CERS6: variants seen among roughly 807,000 people sequenced by gnomAD.
CERS6 encodes LAG1 homolog, ceramide synthase 6.
In CERS6, 26 loss-of-function variants were observed where a neutral mutation model predicts 56.8. The observed-to-expected ratio is 0.46, with a 90% CI of 0.34 to 0.63. The LOEUF (loss-of-function observed/expected upper bound fraction) is 0.63. Among genes scored for constraint, CERS6 ranks in the 30% least tolerant of loss-of-function variants. CERS6 has a pLI of 0.01. For synonymous variants in CERS6, 164 were observed against 173.3 expected (o/e 0.95, Z 0.42); for missense variants, 415 against 467.5 (o/e 0.89, Z 1.04).
At chr2:168,586,157 T>C (rs1683536979) in intron 3 of CERS6, among the ~76,000 whole-genome samples, 1 of 151,020 alleles carries the variant, frequency 6.6e-6, no homozygotes, top group African/African-American at 2.4e-5. Flanking sequence ...CTAATTTTTG[T>C]ATTTTTTTTT....
chr2:168,680,055 T>G (rs995699962), intron 4 of CERS6, among the ~76,000 whole-genome samples: 14 of 152,224 alleles, frequency 9.2e-5, no homozygotes, highest in Admixed American at 1.3e-4. Flanking sequence ...TCTGGAGTTC[T>G]GTGGAGAGAA....
chr2:168,616,096 G>A (rs962259181), intron 3 of CERS6, among the ~76,000 whole-genome samples: 6 of 152,048 alleles, frequency 3.9e-5, no homozygotes, highest in African/African-American at 7.2e-5. Flanking sequence ...ATTATCAGCC[G>A]AAAGTTTTGT....
intron 8 of CERS6, among the ~76,000 whole-genome samples, chr2:168,720,688 A>G (rs552328922): frequency 1.3e-5 from 2 of 152,308 alleles, no homozygotes; most frequent in African/African-American, 2.4e-5. Context: ...TTATGTCTCT[A>G]TAGAGCTAAG....
In CERS6 at chr2:168,728,941, C is replaced by T. The variant is rs1364461654; in HGVS notation, c.845+10963C>T. ...GATAAAATTGCCAGAACCCGGGATG[C>T]GGAGGTTGCAGTGAGCCAAGATTGT... is the stretch of plus-strand genomic sequence containing the variant. On this transcript the variant is annotated intron_variant, in intron 8 of 9. Transcript: ENST00000305747. 5.0e-5 allele frequency among the ~76,000 whole-genome samples: 7 copies of T among 140,412 alleles called. 1 individual carries two copies. Among genetic ancestry groups the T allele is most frequent in the South Asian group, 2.3e-4 (1 of 4,366 alleles). The allele number at this position is 140,412 out of a possible 152,430, so 92.1% of individuals were successfully genotyped here. A position where few individuals can be genotyped will look rare whatever the true frequency, so the allele number is the denominator to read the frequency against.
intron 4 of CERS6, among the ~76,000 whole-genome samples, chr2:168,660,713 A>G (rs544157558): frequency 6.6e-6 from 1 of 151,838 alleles, no homozygotes; most frequent in East Asian, 1.9e-4. Flanking sequence ...AAAATTTCAC[A>G]CGATTTTTTT....
chr2:168,760,271 C>G (rs1253547796), intron 8 of CERS6, among the ~76,000 whole-genome samples: 2 of 152,184 alleles, frequency 1.3e-5, no homozygotes, highest in African/African-American at 4.8e-5. Context: ...GTCCGAGTCT[C>G]AAAACTGAAG....
chr2:168,749,042 A>G (rs923130891), intron 8 of CERS6, among the ~76,000 whole-genome samples: 10 of 145,036 alleles, frequency 6.9e-5, no homozygotes, highest in Non-Finnish European at 1.2e-4. Context: ...GGTTTGAGGT[A>G]TTGTACCCAT....
rs192946857 is a variant in CERS6 at position 168,686,887 on chromosome 2, A to G, written c.466-4147A>G. Among the ~76,000 whole-genome samples, 376 of 152,344 alleles carry G rather than the reference A, an allele frequency of 2.5e-3. 1 individual carries two copies. Among genetic ancestry groups the G allele is most frequent in the African/African-American group, 8.5e-3 (352 of 41,580 alleles). ...AGCTACTGTATATAAAAGTAAAGCAAAACACACTAGCTTAGATATGAGAGA... is the reference window on the plus strand; with the variant it reads ...AGCTACTGTATATAAAAGTAAAGCAGAACACACTAGCTTAGATATGAGAGA... On this transcript the variant is annotated intron_variant, in intron 4 of 9. Coordinates refer to ENST00000305747, the MANE Select transcript of CERS6 (RefSeq NM_203463.3).
At chr2:168,693,343 C>T (rs1057288972) in intron 5 of CERS6, among the ~76,000 whole-genome samples, 2 of 152,078 alleles carry the variant, frequency 1.3e-5, no homozygotes, top group Admixed American at 6.6e-5. Context: ...GCAAAGCACT[C>T]GTCGGACATA....
At chr2:168,498,050 C>T (rs939007915) in intron 1 of CERS6, among the ~76,000 whole-genome samples, 9 of 152,170 alleles carry the variant, frequency 5.9e-5, no homozygotes, top group African/African-American at 1.2e-4. Context: ...AGCATCTTCA[C>T]GGCCCTATTT....
rs868046075 is a variant in CERS6, at chr2:168,596,555, C to T, written c.408-34430C>T. Among the ~76,000 whole-genome samples the T allele has an allele frequency of 2.6e-3, 298 of 114,810 alleles. 4 individuals are homozygous for T. Among genetic ancestry groups the T allele is most frequent in the African/African-American group, 0.01 (254 of 24,290 alleles). The allele number at this position is 114,810 out of a possible 152,430, so 75.3% of individuals were successfully genotyped here. On this transcript the variant is annotated intron_variant, in intron 3 of 9. Coordinates refer to ENST00000305747, the MANE Select transcript of CERS6 (RefSeq NM_203463.3). Reference sequence around the variant, plus strand: ...TTGTTTCAGGGCCCCATCCCCCCCCCTTTTTTTTTTTTTTTTGAGACTGAG... The same window carrying T: ...TTGTTTCAGGGCCCCATCCCCCCCCTTTTTTTTTTTTTTTTTGAGACTGAG...
At chr2:168,587,063 C>T (rs1024582429) in intron 3 of CERS6, among the ~76,000 whole-genome samples, 1 of 152,014 alleles carries the variant, frequency 6.6e-6, no homozygotes, top group Non-Finnish European at 1.5e-5. Flanking sequence ...CCCAGCTATG[C>T]GGTGGGTAGG....
chr2:168,532,397 A>G (rs1695185262), intron 1 of CERS6, among the ~76,000 whole-genome samples: 1 of 152,082 alleles, frequency 6.6e-6, no homozygotes, highest in South Asian at 2.1e-4. Context: ...TTTAGTGTTG[A>G]TAACACTTTT....
Position 168,456,686 on chromosome 2 carries a change from T to TC in CERS6, c.170+69dup, listed in dbSNP as rs1188914992. ...CACACGCGCGCACACACTCGCGCGC[T>TC]CTCTGGCGCACGCCCCCGCGCCCCC... On this transcript the variant is annotated intron_variant, in intron 1 of 9. Coordinates refer to ENST00000305747, the MANE Select transcript of CERS6 (RefSeq NM_203463.3). This position sits in a 1 kb window ranked among gnomAD's most constrained non-coding sequence, Gnocchi z 4.1. 2.7e-6 allele frequency: 4 copies of TC among 1,473,880 alleles called. No homozygotes were observed. The African/African-American group carries it at 5.8e-5, about 21-fold the overall frequency. The allele number at this position is 1,473,880 out of a possible 1,614,324, so 91.3% of individuals were successfully genotyped here.
At chr2:168,752,903 G>A (rs1476384674) in intron 8 of CERS6, among the ~76,000 whole-genome samples, 2 of 151,856 alleles carry the variant, frequency 1.3e-5, no homozygotes, top group African/African-American at 2.4e-5. Context: ...CCTTTCCTTT[G>A]GTTTTGCTCG....
chr2:168,516,256 G>A (rs938749287), intron 1 of CERS6, among the ~76,000 whole-genome samples: 1 of 152,130 alleles, frequency 6.6e-6, no homozygotes. Flanking sequence ...TCAAGTCATA[G>A]AGTAGAACAG....
At chr2:168,716,224 G>T (rs2105390716) in intron 7 of CERS6, among the ~76,000 whole-genome samples, 1 of 152,200 alleles carries the variant, frequency 6.6e-6, no homozygotes, top group African/African-American at 2.4e-5. Flanking sequence ...AGTGATTCAA[G>T]CTAACCTCTA....
At chr2:168,469,668 T>G (rs560845272) in intron 1 of CERS6, among the ~76,000 whole-genome samples, 8 of 152,224 alleles carry the variant, frequency 5.3e-5, no homozygotes, top group African/African-American at 1.9e-4. Context: ...AAAAATTGGT[T>G]AAAAGTTAGT....
chr2:168,528,310 A>G (rs928559312), intron 1 of CERS6, among the ~76,000 whole-genome samples: 6 of 152,116 alleles, frequency 3.9e-5, no homozygotes, highest in Non-Finnish European at 8.8e-5. Flanking sequence ...TTTCCCCAGC[A>G]ATCTCTTAAA....
Sources: gnomAD v4.1 joint callset for allele counts (sites outside exome capture counted in the v4.1 genomes callset) on GRCh38, gnomAD v4.1.1 for gene constraint, Gnocchi (gnomAD v3.1) non-coding constraint, MANE v1.5 for transcripts, NCBI Gene and HGNC (gene_info 2026-07-23, HGNC 2026-07-21) for gene names.